The following FAM171A1 variants were observed in gnomAD, a reference collection of about 807,000 sequenced individuals.
The protein encoded by FAM171A1 is family with sequence similarity 171 member A1, also known as protein FAM171A1.
In FAM171A1, 23 loss-of-function variants were observed where a neutral mutation model predicts 74.9. That is an observed-to-expected ratio of 0.31 (90% CI 0.22 to 0.44). FAM171A1 has a LOEUF of 0.44. Ranked by LOEUF, FAM171A1 falls within the 20% of genes least tolerant of loss-of-function variation. The pLI is 1.00. For missense variants in FAM171A1, 1,162 were observed against 1,159.2 expected (o/e 1.00, Z -0.03); for synonymous variants, 527 against 505.7 (o/e 1.04, Z -0.57).
At chr10:15,331,841 G>GTC (rs1835637220) in intron 1 of FAM171A1, among the ~76,000 whole-genome samples, 1 of 75,398 alleles carries the variant, frequency 1.3e-5, no homozygotes, top group Non-Finnish European at 2.7e-5. Flanking sequence ...GTATATATAT[G>GTC]TGTGTATATA....
At chr10:15,336,421 G>C (rs1835700375) in intron 1 of FAM171A1, among the ~76,000 whole-genome samples, 1 of 151,780 alleles carries the variant, frequency 6.6e-6, no homozygotes, top group Non-Finnish European at 1.5e-5. Context: ...TCTAAAACCA[G>C]TGGTTGTCAA....
intron 1 of FAM171A1, among the ~76,000 whole-genome samples, chr10:15,328,377 G>A (rs371058296): frequency 1.6e-4 from 24 of 152,200 alleles, no homozygotes; most frequent in Admixed American, 6.5e-4. Flanking sequence ...GACTCCTGAC[G>A]TCAGGTGATC....
At chr10:15,340,434 A>G (rs1273584761) in intron 1 of FAM171A1, among the ~76,000 whole-genome samples, 1 of 152,204 alleles carries the variant, frequency 6.6e-6, no homozygotes, top group Non-Finnish European at 1.5e-5. Flanking sequence ...TTCTGCCTCA[A>G]TAAACTTATA....
intron 3 of FAM171A1, among the ~76,000 whole-genome samples, chr10:15,265,252 CGT>C (rs368142730): frequency 1.4e-4 from 21 of 150,070 alleles, no homozygotes; most frequent in African/African-American, 4.1e-4. Context: ...CGTGTGTGTG[CGT>C]GTGTGTGTGT....
intron 5 of FAM171A1, among the ~76,000 whole-genome samples, chr10:15,224,059 A>G (rs1021439401): frequency 6.6e-6 from 1 of 152,212 alleles, no homozygotes; most frequent in Non-Finnish European, 1.5e-5. Context: ...GAGGCCAGAA[A>G]GTCCATTGGC....
At chr10:15,346,043 A>G (rs2131874994) in intron 1 of FAM171A1, among the ~76,000 whole-genome samples, 1 of 152,298 alleles carries the variant, frequency 6.6e-6, no homozygotes, top group East Asian at 1.9e-4. Context: ...GCTTCTGTCT[A>G]TGAATGGAAT....
At chr10:15,349,291 C>A (rs1355562526) in intron 1 of FAM171A1, among the ~76,000 whole-genome samples, 1 of 152,222 alleles carries the variant, frequency 6.6e-6, no homozygotes, top group African/African-American at 2.4e-5. Context: ...CCTGGAACAG[C>A]AATCTTGCTT....
At chr10:15,373,281 G>A (rs989985326), upstream of FAM171A1, among the ~76,000 whole-genome samples, 1 of 152,122 alleles carries the variant, frequency 6.6e-6, no homozygotes, top group Non-Finnish European at 1.5e-5. Context: ...TCTGATTCCT[G>A]CATCTAAGCC....
chr10:15,253,494 GA>G (rs1269006877), intron 4 of FAM171A1, among the ~76,000 whole-genome samples: 31 of 152,186 alleles, frequency 2.0e-4, no homozygotes, highest in Non-Finnish European at 4.0e-4. Flanking sequence ...AAAAATTAAA[GA>G]AGAAACGTTT....
chr10:15,283,022 T>G (rs1218250285), intron 2 of FAM171A1, among the ~76,000 whole-genome samples: 1 of 152,302 alleles, frequency 6.6e-6, no homozygotes, highest in Admixed American at 6.5e-5. Context: ...CAGCAGCAAT[T>G]TGAACTAAAT....
At chr10:15,249,674 G>A in intron 4 of FAM171A1, among the ~76,000 whole-genome samples, 1 of 152,120 alleles carries the variant, frequency 6.6e-6, no homozygotes, top group East Asian at 1.9e-4. Flanking sequence ...TTGAGGACTG[G>A]ACTTGAAATA....
chr10:15,270,137 G>A (rs1246852767), intron 3 of FAM171A1, among the ~76,000 whole-genome samples: 2 of 152,192 alleles, frequency 1.3e-5, no homozygotes, highest in Non-Finnish European at 2.9e-5. Context: ...GCCAAGGGAA[G>A]CTGTGACAGA....
At chr10:15,326,819 G>A (rs762520930) in intron 1 of FAM171A1, among the ~76,000 whole-genome samples, 6 of 152,002 alleles carry the variant, frequency 3.9e-5, no homozygotes, top group Non-Finnish European at 7.4e-5. Flanking sequence ...GTAGAGACAG[G>A]GTTTTGGCAT....
intron 5 of FAM171A1, among the ~76,000 whole-genome samples, chr10:15,228,728 T>G (rs1383190481): frequency 2.0e-5 from 3 of 152,122 alleles, no homozygotes; most frequent in Non-Finnish European, 2.9e-5. Context: ...GCATAAAGGG[T>G]CAATGGACCA....
intron 3 of FAM171A1, among the ~76,000 whole-genome samples, chr10:15,264,998 T>C (rs948379066): frequency 1.3e-5 from 2 of 152,048 alleles, no homozygotes; most frequent in Admixed American, 1.3e-4. Flanking sequence ...CAAGGAATCA[T>C]ACAATTAAAC....
At chr10:15,325,834 G>C (rs193169051) in intron 1 of FAM171A1, among the ~76,000 whole-genome samples, 2 of 152,120 alleles carry the variant, frequency 1.3e-5, no homozygotes, top group South Asian at 2.1e-4. Context: ...GTTTCACTCC[G>C]ACCTGGGTGA....
chr10:15,308,180 C>T (rs1350846403), intron 1 of FAM171A1, among the ~76,000 whole-genome samples: 5 of 152,138 alleles, frequency 3.3e-5, no homozygotes, highest in Non-Finnish European at 7.3e-5. Flanking sequence ...ATTTGTCTTT[C>T]AAAATCAGTG....
chr10:15,255,061 G>T (rs1244504029), intron 3 of FAM171A1, among the ~76,000 whole-genome samples, 182 bp from the exon 4 acceptor site: 1 of 152,208 alleles, frequency 6.6e-6, no homozygotes, highest in Non-Finnish European at 1.5e-5. Context: ...ATTATGGGGA[G>T]AGAAATAATA....
chr10:15,249,790 T>G (rs1834485069), intron 4 of FAM171A1, among the ~76,000 whole-genome samples: 1 of 152,246 alleles, frequency 6.6e-6, no homozygotes, highest in Non-Finnish European at 1.5e-5. Flanking sequence ...AAAGCTTTAA[T>G]GACTGCCTAC....
Sources: allele counts gnomAD v4.1 joint callset (sites outside exome capture counted in the v4.1 genomes callset), GRCh38; gene constraint gnomAD v4.1.1; transcripts MANE v1.5; gene names NCBI Gene and HGNC (gene_info 2026-07-23, HGNC 2026-07-21).